The following KIAA0930 variants were observed in gnomAD, a reference collection of about 807,000 sequenced individuals.
KIAA0930 encodes the protein uncharacterized protein KIAA0930.
Under a neutral mutation model 43.9 loss-of-function variants are expected in KIAA0930, and 24 were observed. That is an observed-to-expected ratio of 0.55 (90% confidence interval 0.40 to 0.77). The LOEUF (loss-of-function observed/expected upper bound fraction) is 0.77. Among genes scored for constraint, KIAA0930 ranks in the 30% least tolerant of loss-of-function variants. The probability of loss-of-function intolerance (pLI) is 0.00; values close to 1 mark genes in which losing one functional copy is unlikely to be tolerated. For missense variants in KIAA0930, 461 were observed against 574.2 expected, an observed-to-expected ratio of 0.80 and a Z score of 2.02; for synonymous variants, 259 against 216.4, an observed-to-expected ratio of 1.20 and a Z score of -1.73.
In KIAA0930 at chr22:45,192,850, T is replaced by TGC. The variant is rs2083501506; in HGVS notation, c.*4324_*4325dup. On this transcript the variant is annotated 3_prime_UTR_variant, in exon 10 of 10. Transcript: ENST00000336156. The stretch of plus-strand genomic sequence containing the variant: ...TGAGGCCACTCGGTGTCCCGAGGAG[T>TGC]GCTCCAGGGCTCGGAGAAGGGGCTC... 1 of 151,916 alleles carries TGC rather than the reference T, an allele frequency of 6.6e-6. No homozygotes were observed. The highest frequency in any genetic ancestry group is 1.5e-5 in the Non-Finnish European group (1 of 67,954). The allele number at this position is 151,916 out of a possible 1,614,324, so 9.4% of individuals were successfully genotyped here.
Position 45,195,711 on chromosome 22 carries a change from G to A in KIAA0930, c.*1465C>T, listed in dbSNP as rs9754334. On this transcript the variant is annotated 3_prime_UTR_variant, in exon 10 of 10. Coordinates refer to ENST00000336156, the MANE Select transcript of KIAA0930 (RefSeq NM_001009880.2). ...ATCCCAGGAGTCTAACATCCAACCC[G>A]ACCTATGCAGAATGACGGGTGACCA... 5,461 of 152,636 alleles carry A rather than the reference G, an allele frequency of 0.036. 232 individuals are homozygous for A. Among genetic ancestry groups the A allele is most frequent in the East Asian group, 0.13 (696 of 5,168 alleles). The allele number at this position is 152,636 out of a possible 1,614,324, so 9.5% of individuals were successfully genotyped here.
At chr22:45,213,090 A>C (rs1311211151) in intron 1 of KIAA0930, among the ~76,000 whole-genome samples, 1 of 152,218 alleles carries the variant, frequency 6.6e-6, no homozygotes, top group African/African-American at 2.4e-5. Flanking sequence ...GAGATGGGGA[A>C]CGTGAGGGCC....
intron 1 of KIAA0930, among the ~76,000 whole-genome samples, chr22:45,214,680 G>A (rs1332855958): frequency 1.3e-5 from 2 of 152,064 alleles, no homozygotes; most frequent in Admixed American, 6.6e-5. Flanking sequence ...AGGCCAAGGC[G>A]GAAAGACTGC....
chr22:45,229,426 T>TCTA (rs79118903), intron 1 of KIAA0930, among the ~76,000 whole-genome samples: 64,227 of 147,402 alleles, frequency 0.44, 15,003 homozygotes, highest in East Asian at 0.69. Flanking sequence ...CAGGCATCCG[T>TCTA]CTCTGAGCTG....
At chr22:45,212,483 G>A in intron 1 of KIAA0930, 8 of 1,437,630 alleles carry the variant, frequency 5.6e-6, no homozygotes, top group Non-Finnish European at 6.4e-6. Flanking sequence ...TTGGCTGGGG[G>A]GGAGCCTTTG....
rs575273426 is a variant in KIAA0930, at chr22:45,195,249, C to T, written c.*1927G>A. 1.3e-5 allele frequency: 2 copies of T among 152,360 alleles called. No individual in the cohort carries two copies. The highest frequency in any genetic ancestry group is 3.9e-4 in the East Asian group (2 of 5,180). The allele number at this position is 152,360 out of a possible 1,614,324, so 9.4% of individuals were successfully genotyped here. ...CTGGCCCCAGAGGAGACAACCTTCTCCCGCCCCTCACCTCTGAGAACAGAG... is the reference window on the plus strand; with the variant it reads ...CTGGCCCCAGAGGAGACAACCTTCTTCCGCCCCTCACCTCTGAGAACAGAG... On this transcript the variant is annotated 3_prime_UTR_variant, in exon 10 of 10. Coordinates refer to ENST00000336156, the MANE Select transcript of KIAA0930 (RefSeq NM_001009880.2).
Position 45,211,945 on chromosome 22 carries a change from G to A in KIAA0930, c.216+11C>T. The A allele has an allele frequency of 6.2e-7, 1 of 1,608,458 alleles. No individual in the cohort carries two copies. Among genetic ancestry groups the A allele is most frequent in the Non-Finnish European group, 8.5e-7 (1 of 1,179,732 alleles). ...GCACAGACGCAGGGGCAGGGGCCGGGGGTCACTCACCTTCCTCCCGTCTGC... is the reference window on the plus strand; with the variant it reads ...GCACAGACGCAGGGGCAGGGGCCGGAGGTCACTCACCTTCCTCCCGTCTGC... On this transcript the variant is annotated intron_variant, in intron 2 of 9. Transcript: ENST00000336156.
intron 1 of KIAA0930, among the ~76,000 whole-genome samples, chr22:45,227,677 C>T (rs560147106): frequency 1.3e-5 from 2 of 152,302 alleles, no homozygotes; most frequent in East Asian, 3.9e-4. Flanking sequence ...AAGTCCCCTC[C>T]GTAAAGGGGA....
chr22:45,237,990 G>A (rs1387124527), intron 1 of KIAA0930, among the ~76,000 whole-genome samples: 2 of 151,416 alleles, frequency 1.3e-5, no homozygotes, highest in African/African-American at 4.9e-5. Context: ...GCGTGATCTC[G>A]GCTCACTGCA....
chr22:45,198,620 C>T (rs1015878948), intron 8 of KIAA0930, among the ~76,000 whole-genome samples: 1 of 152,190 alleles, frequency 6.6e-6, no homozygotes, highest in African/African-American at 2.4e-5. Flanking sequence ...GGGAGGTGCT[C>T]AGTGGGAGTT....
At chr22:45,238,106 T>C (rs1343304981) in intron 1 of KIAA0930, among the ~76,000 whole-genome samples, 1 of 151,712 alleles carries the variant, frequency 6.6e-6, no homozygotes, top group Non-Finnish European at 1.5e-5. Context: ...TTTGTATTTT[T>C]AGTAGAGACG....
intron 1 of KIAA0930, among the ~76,000 whole-genome samples, chr22:45,236,428 C>T (rs1472235462): frequency 2.6e-5 from 4 of 152,182 alleles, no homozygotes; most frequent in Non-Finnish European, 5.9e-5. Flanking sequence ...GCTCCTCCAT[C>T]CACACAAGCC....
chr22:45,222,723 C>T (rs79924776), intron 1 of KIAA0930, among the ~76,000 whole-genome samples: 3,083 of 151,794 alleles, frequency 0.02, 104 homozygotes, highest in African/African-American at 0.07. Flanking sequence ...CAGACGGAAC[C>T]CTTACATGAG....
At chr22:45,238,077 C>T (rs1046480349) in intron 1 of KIAA0930, among the ~76,000 whole-genome samples, 1 of 151,992 alleles carries the variant, frequency 6.6e-6, no homozygotes, top group African/African-American at 2.4e-5. Context: ...CCCGCCACCA[C>T]GCCTGGCTAA....
intron 1 of KIAA0930, among the ~76,000 whole-genome samples, chr22:45,239,317 AGAAT>A (rs1194001060): frequency 1.3e-5 from 2 of 152,266 alleles, no homozygotes; most frequent in African/African-American, 4.8e-5. Flanking sequence ...GAATGTTTGC[AGAAT>A]GAATGAATAA....
In KIAA0930 at chr22:45,213,688, G is replaced by A. The variant is rs188718809; in HGVS notation, c.65-1581C>T. Among the ~76,000 whole-genome samples, 45 of 152,304 alleles carry A rather than the reference G, an allele frequency of 3.0e-4. No individual in the cohort carries two copies. In the East Asian group the frequency reaches 6.6e-3, roughly 22 times the overall value. On this transcript the variant is annotated intron_variant, in intron 1 of 9. Transcript: ENST00000336156. ...TTTTGGTTCCCTCTTAGAGCCCAACGGAATAACAGAATAAATTTGGTCTTT... is the reference window on the plus strand; with the variant it reads ...TTTTGGTTCCCTCTTAGAGCCCAACAGAATAACAGAATAAATTTGGTCTTT...
rs760658469 is a variant in KIAA0930 at position 45,194,811 on chromosome 22, G to C, written c.*2365C>G. On this transcript the variant is annotated 3_prime_UTR_variant, in exon 10 of 10. Transcript: ENST00000336156. ...CCACCGAGTGTCTGTCCATCTGTCC[G>C]GACAGCACCATGTGGCTCAGCATGC... 2 of 152,314 alleles carry C rather than the reference G, an allele frequency of 1.3e-5. No individual in the cohort carries two copies. Among genetic ancestry groups the C allele is most frequent in the Non-Finnish European group, 2.9e-5 (2 of 68,044 alleles). 9.4% of individuals were successfully genotyped at this position (152,314 alleles called of 1,614,324 possible). A position where few individuals can be genotyped will look rare whatever the true frequency, so the allele number is the denominator to read the frequency against.
At chr22:45,223,574 CAGCACCAGATA>C (rs1464197960) in intron 1 of KIAA0930, among the ~76,000 whole-genome samples, 1 of 152,170 alleles carries the variant, frequency 6.6e-6, no homozygotes, top group African/African-American at 2.4e-5. Flanking sequence ...CACCTAGGAT[CAGCACCAGATA>C]AGCACCCAGG....
rs2083538354 is a variant in KIAA0930 at position 45,196,649 on chromosome 22, T to C, written c.*527A>G. 1 of 153,208 alleles carries C rather than the reference T, an allele frequency of 6.5e-6. No individual in the cohort carries two copies. Among genetic ancestry groups the C allele is most frequent in the Admixed American group, 6.5e-5 (1 of 15,296 alleles). The allele number at this position is 153,208 out of a possible 1,614,324, so 9.5% of individuals were successfully genotyped here. A position where few individuals can be genotyped will look rare whatever the true frequency, so the allele number is the denominator to read the frequency against. On this transcript the variant is annotated 3_prime_UTR_variant, in exon 10 of 10. Transcript: ENST00000336156. The surrounding 1 kb of genome is among the most constrained non-coding windows in gnomAD (Gnocchi z 4.1). ...TCAAACTTCTCGTGTTCCCATCTCC[T>C]ATTAGAACAAAGTGGTAAACTGGGG...
Sources: gnomAD v4.1 joint callset for allele counts (sites outside exome capture counted in the v4.1 genomes callset) on GRCh38, gnomAD v4.1.1 for gene constraint, Gnocchi (gnomAD v3.1) non-coding constraint, MANE v1.5 for transcripts, NCBI Gene and HGNC (gene_info 2026-07-23, HGNC 2026-07-21) for gene names.